Variants in PROX1 observed in about 807,000 individuals in gnomAD.
PROX1 encodes the protein prospero homeobox protein 1.
A neutral mutation model predicts 58.8 loss-of-function variants in PROX1; 7 were observed. The ratio of observed to expected loss-of-function variants is 0.12; its 90% CI spans 0.07 to 0.22. The LOEUF (loss-of-function observed/expected upper bound fraction) is 0.22, where lower values mean the gene tolerates loss of function less well. Ranked by LOEUF, PROX1 falls within the 10% of genes least tolerant of loss-of-function variation. The pLI is 1.00. For missense variants in PROX1, 675 were observed against 927.8 expected, an observed-to-expected ratio of 0.73 and a Z score of 3.54; for synonymous variants, 350 against 358.3, an observed-to-expected ratio of 0.98 and a Z score of 0.26.
At chr1:214,035,517 A>G (rs1356400206) in intron 4 of PROX1, 132 bp from the exon 5 acceptor site, 2 of 794,034 alleles carry the variant, frequency 2.5e-6, no homozygotes, top group African/African-American at 3.5e-5. Flanking sequence ...AATAGAAGCC[A>G]GCTATTTTTA....
At position 214,035,848 on chromosome 1, in the gene PROX1, T is replaced by C. The variant is rs771122996; in HGVS notation, c.*14T>C. ...CTTCATGAGTAGAAATTTCAACAAC[T>C]CTTTTTGAATGTATGAAGAGTAGCA... On this transcript the variant is annotated 3_prime_UTR_variant, in exon 5 of 5. Coordinates refer to ENST00000366958, the MANE Select transcript of PROX1 (RefSeq NM_001270616.2). 6.2e-7 allele frequency: 1 copy of C among 1,601,134 alleles called. No individual in the cohort carries two copies. The highest frequency in any genetic ancestry group is 8.5e-7 in the Non-Finnish European group (1 of 1,173,230).
intron 4 of PROX1, 77 bp from the exon 5 acceptor site, chr1:214,035,572 T>C: frequency 1.4e-6 from 2 of 1,428,234 alleles, no homozygotes; most frequent in Admixed American, 2.3e-5. Context: ...AGAATGATCT[T>C]AGCTCAGTTT....
chr1:214,024,494 C>A (rs2102761083), intron 4 of PROX1, among the ~76,000 whole-genome samples: 1 of 152,282 alleles, frequency 6.6e-6, no homozygotes, highest in South Asian at 2.1e-4. Context: ...CTTGTGTTCT[C>A]TGAAGCTCTG....
At chr1:213,998,334 T>A (rs1039585566) in intron 2 of PROX1, 74 bp downstream of exon 2, 2 of 1,459,434 alleles carry the variant, frequency 1.4e-6, no homozygotes, top group Non-Finnish European at 1.8e-6. Flanking sequence ...TTACACAATA[T>A]CTAGAGTAAT....
At position 213,996,505 on chromosome 1, in the gene PROX1, C is replaced by A. The variant is rs750099916; in HGVS notation, c.-31C>A. On this transcript the variant is annotated 5_prime_UTR_variant, in exon 2 of 5. Transcript: ENST00000366958. ...TCTTGAGCTGTGCCCAGCTGACGAG[C>A]TTTTGAAGATGGCACAATAACCGTC... The A allele has an allele frequency of 5.7e-6, 9 of 1,584,540 alleles. No homozygotes were observed. The East Asian group carries it at 1.6e-4, about 28-fold the overall frequency.
intron 3 of PROX1, among the ~76,000 whole-genome samples, chr1:214,005,749 A>T (rs1663686461): frequency 6.6e-6 from 1 of 152,242 alleles, no homozygotes; most frequent in Admixed American, 6.5e-5. Context: ...CTTAAAAACA[A>T]AAGTGATGAT....
At chr1:214,005,457 A>G (rs1052404845) in intron 3 of PROX1, among the ~76,000 whole-genome samples, 185 bp downstream of exon 3, 1 of 152,188 alleles carries the variant, frequency 6.6e-6, no homozygotes, top group Admixed American at 6.5e-5. Flanking sequence ...GTGTATTAAG[A>G]TTGGAAGACT....
At chr1:214,030,804 A>G (rs1352039508) in intron 4 of PROX1, 1 of 152,370 alleles carries the variant, frequency 6.6e-6, no homozygotes, top group East Asian at 1.9e-4. Context: ...TAACCTTGGT[A>G]TGTCCTGACA....
At chr1:214,013,916 AG>A (rs2102736785) in intron 4 of PROX1, among the ~76,000 whole-genome samples, 1 of 152,326 alleles carries the variant, frequency 6.6e-6, no homozygotes, top group Non-Finnish European at 1.5e-5. Flanking sequence ...AGTGAAAAGA[AG>A]GGAAGAAAGC....
chr1:214,032,228 GA>G (rs904146580), intron 4 of PROX1, among the ~76,000 whole-genome samples: 1 of 152,010 alleles, frequency 6.6e-6, no homozygotes, highest in African/African-American at 2.4e-5. Flanking sequence ...CATTAAAAGG[GA>G]GCCAGCATCG....
At chr1:214,031,071 G>A (rs989033992) in intron 4 of PROX1, among the ~76,000 whole-genome samples, 20 of 151,712 alleles carry the variant, frequency 1.3e-4, no homozygotes, top group South Asian at 4.2e-4. Flanking sequence ...GTGTGTGCGC[G>A]CGCGCGCATT....
chr1:213,987,411 C>G (rs1662850034), upstream of PROX1: 2 of 150,460 alleles, frequency 1.3e-5, no homozygotes, highest in Non-Finnish European at 3.0e-5. Context: ...CCCCCCCTCC[C>G]TCCTCCTATG....
At chr1:214,000,113 A>G (rs141951027) in intron 2 of PROX1, among the ~76,000 whole-genome samples, 11 of 152,174 alleles carry the variant, frequency 7.2e-5, no homozygotes, top group African/African-American at 2.7e-4. Flanking sequence ...ATTTTGGTGA[A>G]TATTTAAAGA....
At chr1:213,999,835 G>A (rs1215969153) in intron 2 of PROX1, among the ~76,000 whole-genome samples, 1 of 152,108 alleles carries the variant, frequency 6.6e-6, no homozygotes, top group Non-Finnish European at 1.5e-5. Flanking sequence ...TCAAATGATT[G>A]GAATATCGCT....
intron 4 of PROX1, among the ~76,000 whole-genome samples, chr1:214,025,633 T>TAGTTCTGA (rs774944196): frequency 1.3e-5 from 2 of 151,926 alleles, no homozygotes; most frequent in Non-Finnish European, 1.5e-5. Flanking sequence ...AGATTCCTTC[T>TAGTTCTGA]AGTTCTGAAG....
intron 4 of PROX1, among the ~76,000 whole-genome samples, chr1:214,025,165 T>G (rs1030570389): frequency 6.6e-6 from 1 of 152,220 alleles, no homozygotes; most frequent in African/African-American, 2.4e-5. Flanking sequence ...AAGACTGAAG[T>G]CTTCCTGGTC....
rs1274955087 is a variant in PROX1 at position 214,040,800 on chromosome 1, T to C, written c.*4966T>C. On this transcript the variant is annotated 3_prime_UTR_variant, in exon 5 of 5. Coordinates refer to ENST00000366958, the MANE Select transcript of PROX1 (RefSeq NM_001270616.2). ...TAGAGGCAATTTCAATTGTGAATTT[T>C]TGTTGTTGTCTATTGTTCTGAAGAC... 1 of 152,104 alleles carries C rather than the reference T, an allele frequency of 6.6e-6. No homozygotes were observed. Among genetic ancestry groups the C allele is most frequent in the Non-Finnish European group, 1.5e-5 (1 of 67,992 alleles). The allele number at this position is 152,104 out of a possible 1,614,324, so 9.4% of individuals were successfully genotyped here.
At chr1:214,031,838 G>A (rs1407187213) in intron 4 of PROX1, among the ~76,000 whole-genome samples, 2 of 152,140 alleles carry the variant, frequency 1.3e-5, no homozygotes, top group Non-Finnish European at 2.9e-5. Flanking sequence ...CATGGGTGAT[G>A]TTTCTATGTG....
At chr1:213,986,158 T>A (rs1293570130), upstream of PROX1, 2 of 152,032 alleles carry the variant, frequency 1.3e-5, no homozygotes, top group Non-Finnish European at 2.9e-5. Context: ...AACTGTCACA[T>A]CCCGGTTAGA....
Sources: allele counts gnomAD v4.1 joint callset (sites outside exome capture counted in the v4.1 genomes callset), GRCh38; gene constraint gnomAD v4.1.1; transcripts MANE v1.5; gene names NCBI Gene and HGNC (gene_info 2026-07-23, HGNC 2026-07-21).